Variants in IRGM observed in about 807,000 individuals in gnomAD.
The protein encoded by IRGM is immunity-related GTPase family M protein.
For missense variants in IRGM, 288 were observed against 219.9 expected, an observed-to-expected ratio of 1.31 and a Z score of -1.96; for synonymous variants, 98 against 80.6, an observed-to-expected ratio of 1.22 and a Z score of -1.16.
At chr5:150,850,186 T>A (rs974486273), downstream of IRGM, among the ~76,000 whole-genome samples, 2 of 152,176 alleles carry the variant, frequency 1.3e-5, no homozygotes, top group Non-Finnish European at 1.5e-5. Flanking sequence ...ATTCATTTTT[T>A]AAAAAATGTC....
In IRGM at chr5:150,895,845, T is replaced by A. The variant is rs372607730; in HGVS notation, c.*141-4744T>A. On this transcript the variant is annotated intron_variant and NMD_transcript_variant, in intron 3 of 3. Coordinates refer to the IRGM transcript ENST00000520549. ...TGTCTTTCCACATTCAGTACATTCATAAGGTTTTTCCCCAGTATGAACTAA... is the reference window on the plus strand; with the variant it reads ...TGTCTTTCCACATTCAGTACATTCAAAAGGTTTTTCCCCAGTATGAACTAA... 53 of 1,613,682 alleles carry A rather than the reference T, an allele frequency of 3.3e-5. No individual in the cohort carries two copies. In the African/African-American group the frequency reaches 6.3e-4, roughly 19 times the overall value.
intron 3 of IRGM, chr5:150,897,660 T>A (rs1179004763): frequency 5.5e-6 from 1 of 182,106 alleles, no homozygotes; most frequent in Non-Finnish European, 1.1e-5. Context: ...GCAGTTACAG[T>A]TGCATGCTCT....
chr5:150,848,416 C>G lies in IRGM; in HGVS notation c.293C>G (p.Thr98Ser), dbSNP rs1024182878. The G allele has an allele frequency of 3.2e-6, 5 of 1,551,714 alleles. No homozygotes were observed. In the African/African-American group the frequency reaches 6.8e-5, roughly 21 times the overall value. Residue 98 changes from threonine (T) to serine (S), a missense_variant, in exon 2 of 2, where the codon ACC (threonine) becomes AGC (serine). Physicochemically the swap from Thr to Ser is moderately conservative, Grantham distance 58. Coordinates refer to ENST00000522154, the MANE Select transcript of IRGM (RefSeq NM_001145805.2). ...GACCTGCCTGGCACAGGGTCTGCCA[C>G]CACAACCCTGGAGAACTACCTGATG... ...LWDLPGTGSA[T>S]TTLENYLMEM...
intron 1 of IRGM, among the ~76,000 whole-genome samples, chr5:150,856,538 A>T: frequency 6.6e-6 from 1 of 152,118 alleles, no homozygotes; most frequent in South Asian, 2.1e-4. Context: ...TGTATCCTCT[A>T]TGTTAACTGT....
chr5:150,849,512 T>C (rs1459672633), downstream of IRGM, among the ~76,000 whole-genome samples: 1 of 152,124 alleles, frequency 6.6e-6, no homozygotes. Flanking sequence ...TTTAGTGTTA[T>C]TGGACTAAAT....
intron 1 of IRGM, among the ~76,000 whole-genome samples, chr5:150,856,658 CAG>C (rs537359606): frequency 2.9e-3 from 434 of 150,758 alleles, no homozygotes; most frequent in Non-Finnish European, 4.8e-3. Context: ...TTTTCAGAGA[CAG>C]GGTATTGCTA....
intron 1 of IRGM, among the ~76,000 whole-genome samples, chr5:150,875,311 C>G (rs1464765639): frequency 6.6e-6 from 1 of 152,170 alleles, no homozygotes; most frequent in South Asian, 2.1e-4. Context: ...GAAAATCTTC[C>G]CAGTGGGCAG....
chr5:150,849,791 G>C (rs1438391390), downstream of IRGM, among the ~76,000 whole-genome samples: 1 of 151,876 alleles, frequency 6.6e-6, no homozygotes, highest in Non-Finnish European at 1.5e-5. Flanking sequence ...ATTTTTAGTA[G>C]AGACCGGGTT....
At chr5:150,853,010 C>A (rs575981368), downstream of IRGM, among the ~76,000 whole-genome samples, 5 of 152,022 alleles carry the variant, frequency 3.3e-5, no homozygotes, top group South Asian at 8.3e-4. Context: ...GATCATTATT[C>A]TTCTAGTGCC....
At chr5:150,862,463 C>T (rs114993885) in intron 1 of IRGM, among the ~76,000 whole-genome samples, 268 of 152,254 alleles carry the variant, frequency 1.8e-3, no homozygotes, top group Middle Eastern at 6.8e-3. Flanking sequence ...CATTGAGAGA[C>T]AATTAAACTG....
chr5:150,872,979 A>G (rs1754306966), intron 1 of IRGM, among the ~76,000 whole-genome samples: 1 of 152,214 alleles, frequency 6.6e-6, no homozygotes. Context: ...TCTGTATGCC[A>G]GATCTAACAG....
At chr5:150,895,422 C>A in intron 3 of IRGM, 1 of 1,584,266 alleles carries the variant, frequency 6.3e-7, no homozygotes, top group African/African-American at 1.4e-5. Context: ...GTGGCCAGTT[C>A]ATTATGATTT....
downstream of IRGM, among the ~76,000 whole-genome samples, chr5:150,851,320 C>A (rs1753971627): frequency 6.6e-6 from 1 of 152,124 alleles, no homozygotes; most frequent in African/African-American, 2.4e-5. Context: ...TCTTCCTCCC[C>A]CTTATCTGTC....
chr5:150,871,478 C>T (rs1754280806), intron 1 of IRGM, among the ~76,000 whole-genome samples: 1 of 152,160 alleles, frequency 6.6e-6, no homozygotes, highest in South Asian at 2.1e-4. Context: ...CTGTTTTGTT[C>T]ATTTACTTCT....
downstream of IRGM, among the ~76,000 whole-genome samples, chr5:150,849,120 T>G (rs1753934475): frequency 1.3e-5 from 2 of 152,028 alleles, no homozygotes. Flanking sequence ...GGCAGGTTGC[T>G]TGAATCTCAA....
chr5:150,891,983 G>T (rs988399590), intron 3 of IRGM, among the ~76,000 whole-genome samples: 1 of 151,914 alleles, frequency 6.6e-6, no homozygotes, highest in African/African-American at 2.4e-5. Context: ...AATCCTACAG[G>T]GTCAAAGCTC....
At chr5:150,886,687 T>A (rs80006999) in intron 3 of IRGM, among the ~76,000 whole-genome samples, 4 of 152,066 alleles carry the variant, frequency 2.6e-5, no homozygotes, top group Admixed American at 1.3e-4. Context: ...TTTGTGTGCA[T>A]AGAGATGTTC....
chr5:150,879,005 A>G (rs1392188002), intron 2 of IRGM, among the ~76,000 whole-genome samples: 1 of 152,204 alleles, frequency 6.6e-6, no homozygotes, highest in Non-Finnish European at 1.5e-5. Flanking sequence ...AATTATGCAA[A>G]AATACACACT....
Position 150,848,503 on chromosome 5 carries a change from A to T in IRGM, c.380A>T (p.His127Leu), listed in dbSNP as rs1479241391. 1.9e-6 allele frequency: 3 copies of T among 1,551,748 alleles called. No homozygotes were observed. Residue 127 changes from histidine (H) to leucine (L), a missense_variant, in exon 2 of 2, where the codon CAT becomes CTT. Physicochemically the swap from His to Leu is moderately conservative, Grantham distance 99. Transcript: ENST00000522154. ...GCATCTGCACAATTCAGCATGAATC[A>T]TGTGATGCTTGCCAAAACCGCTGAG... ...MVASAQFSMN[H>L]VMLAKTAEDM...
Sources: allele counts gnomAD v4.1 joint callset (sites outside exome capture counted in the v4.1 genomes callset), GRCh38; gene constraint gnomAD v4.1.1; transcripts MANE v1.5; gene names NCBI Gene and HGNC (gene_info 2026-07-23, HGNC 2026-07-21).